The following C2CD3 variants were observed in gnomAD, a reference collection of about 807,000 sequenced individuals.
The protein encoded by C2CD3 is C2 domain-containing protein 3.
In C2CD3, 148 loss-of-function variants were observed where a neutral mutation model predicts 234.0. That is an observed-to-expected ratio of 0.63 (90% CI 0.55 to 0.72). The LOEUF is 0.72. Ranked by LOEUF, C2CD3 falls within the 30% of genes least tolerant of loss-of-function variation. The probability of loss-of-function intolerance (pLI) is 0.00; values close to 1 mark genes in which losing one functional copy is unlikely to be tolerated. For synonymous variants in C2CD3, 1,000 were observed against 1,035.4 expected (o/e 0.97, Z 0.66); for missense variants, 2,577 against 2,811.5 (o/e 0.92, Z 1.89).
chr11:74,026,079 C>T (rs1020317474), intron 32 of C2CD3, among the ~76,000 whole-genome samples: 4 of 152,108 alleles, frequency 2.6e-5, no homozygotes, highest in Non-Finnish European at 5.9e-5. Flanking sequence ...TCCTCCCCTA[C>T]GAGAGGATTT....
chr11:74,143,683 G>A (rs963122446), intron 3 of C2CD3, among the ~76,000 whole-genome samples: 3 of 151,420 alleles, frequency 2.0e-5, no homozygotes, highest in African/African-American at 7.3e-5. Flanking sequence ...ACCATGCCTG[G>A]CTCAATTTAC....
rs573647540 is a variant in C2CD3 at position 74,106,489 on chromosome 11, T to C, written c.1967A>G (p.Glu656Gly). ...AGAAAGTGACACAGATCCAATGACT[T>C]CTGGCTGAGAAAGAAGGAAAGAGAA... ...YVKKTPQKKP[E>G]VIGSVSLSLR... is the part of the protein sequence containing the mutation. Residue 656 changes from glutamate to glycine, a missense_variant, in exon 13 of 33, where the codon GAA (glutamate) becomes GGA (glycine). Transcript: ENST00000334126. The C allele has an allele frequency of 2.5e-5, 40 of 1,613,356 alleles. No homozygotes were observed. In the South Asian group the frequency reaches 4.0e-4, roughly 16 times the overall value.
chr11:74,039,204 G>T (rs559108594), intron 29 of C2CD3, among the ~76,000 whole-genome samples: 1 of 152,348 alleles, frequency 6.6e-6, no homozygotes, highest in African/African-American at 2.4e-5. Flanking sequence ...TGTTAGACCA[G>T]TGTAGAACCA....
At chr11:74,108,956 T>G in intron 12 of C2CD3, 78 bp downstream of exon 12, 1 of 723,000 alleles carries the variant, frequency 1.4e-6, no homozygotes, top group South Asian at 1.6e-5. Context: ...ATTCCTAGTT[T>G]AGGTAAGAAT....
At chr11:74,122,149 G>A (rs1957238805) in intron 8 of C2CD3, among the ~76,000 whole-genome samples, 1 of 152,138 alleles carries the variant, frequency 6.6e-6, no homozygotes, top group Non-Finnish European at 1.5e-5. Flanking sequence ...CTAGTCAATT[G>A]GGTCCCTTGT....
At position 74,090,831 on chromosome 11, in the gene C2CD3, C is replaced by T. The variant is rs1565281126; in HGVS notation, c.3623G>A (p.Gly1208Asp). Reference sequence around the variant, plus strand: ...GACTTACTTGGCTGCTGCTTGCAGACCACAGGCTCTGATAATCTGGACTGA... The same window carrying T: ...GACTTACTTGGCTGCTGCTTGCAGATCACAGGCTCTGATAATCTGGACTGA... ...SISVQIIRAC[G>D]LQAAAKALAE... The change falls in exon 20 of 33, where the codon GGT (glycine) becomes GAT (aspartate). Residue 1208 changes from glycine (G) to aspartate (D), a missense_variant. Physicochemically the swap from Gly to Asp is moderately conservative, Grantham distance 94. Transcript: ENST00000334126. The T allele has an allele frequency of 6.2e-7, 1 of 1,614,090 alleles. No individual in the cohort carries two copies. Among genetic ancestry groups the T allele is most frequent in the Admixed American group, 1.7e-5 (1 of 60,024 alleles).
chr11:74,047,781 AGGATG>A, intron 28 of C2CD3, among the ~76,000 whole-genome samples: 1 of 152,250 alleles, frequency 6.6e-6, no homozygotes, highest in Non-Finnish European at 1.5e-5. Context: ...GTCCTTGTAT[AGGATG>A]GAACATGCTC....
chr11:74,070,225 T>A (rs574444967), intron 24 of C2CD3, among the ~76,000 whole-genome samples: 39 of 152,348 alleles, frequency 2.6e-4, no homozygotes, highest in African/African-American at 8.9e-4. Context: ...CAGAGCTTTT[T>A]CTAACATAAG....
At position 74,098,145 on chromosome 11, in the gene C2CD3, C is replaced by T. The variant is rs768909968; in HGVS notation, c.2843G>A (p.Arg948Gln). The change falls in exon 16 of 33, where the codon CGA becomes CAA. Residue 948 changes from arginine to glutamine, a missense_variant. Arg to Gln is a conservative substitution (Grantham distance 43). Transcript: ENST00000334126. The part of the protein sequence containing the change: ...VFSGHQNGSL[R>Q]VFLAMGSSNQ... ...TGAAGAACCCATAGCTAAAAAGACT[C>T]GAAGACTCCCATTTTGGTGGCCTGA... 2.0e-5 allele frequency: 32 copies of T among 1,614,060 alleles called. No individual in the cohort carries two copies. The South Asian group carries it at 2.3e-4, about 12-fold the overall frequency.
intron 9 of C2CD3, among the ~76,000 whole-genome samples, chr11:74,117,075 A>AAT (rs766123599): frequency 0.16 from 3,706 of 22,904 alleles, 287 homozygotes; most frequent in African/African-American, 0.18. Flanking sequence ...TATATATATG[A>AAT]ATATATATAT....
chr11:74,071,462 T>A (rs754724146), intron 24 of C2CD3, among the ~76,000 whole-genome samples: 1 of 152,222 alleles, frequency 6.6e-6, no homozygotes, highest in African/African-American at 2.4e-5. Context: ...CTGCCCATTG[T>A]CTCTTTGAGT....
intron 11 of C2CD3, 28 bp downstream of exon 11, chr11:74,113,752 A>C (rs1175753843): frequency 4.8e-6 from 6 of 1,238,992 alleles, no homozygotes; most frequent in Non-Finnish European, 6.0e-6. Context: ...AGAATGTCTA[A>C]GGTGCAGAAA....
intron 25 of C2CD3, among the ~76,000 whole-genome samples, chr11:74,056,349 C>T (rs1317552889): frequency 1.3e-5 from 2 of 152,212 alleles, no homozygotes; most frequent in Non-Finnish European, 2.9e-5. Context: ...GCTTCCTATG[C>T]CAGCCCCCTC....
At chr11:74,035,525 A>C (rs1164611836) in intron 30 of C2CD3, among the ~76,000 whole-genome samples, 1 of 152,232 alleles carries the variant, frequency 6.6e-6, no homozygotes, top group Non-Finnish European at 1.5e-5. Flanking sequence ...TTCTCAGGGC[A>C]TGAACCATAT....
Position 74,042,060 on chromosome 11 carries a change from G to C in C2CD3, c.5654C>G (p.Ser1885Cys). Residue 1885 changes from serine (S) to cysteine (C), a missense_variant, in exon 29 of 33, where the codon TCT (serine) becomes TGT (cysteine). Physicochemically the swap from Ser to Cys is moderately radical, Grantham distance 112 (BLOSUM62 -1). Transcript: ENST00000334126. The stretch of plus-strand genomic sequence containing the variant: ...TTTCTCAGTAGAGCCTCACCTGAGA[G>C]AAGTCAGAATGGAGGTTTGGGAGGA... The part of the protein sequence containing the change: ...PLSSQTSILT[S>C]LRKNLSELDQ... 1 of 1,614,006 alleles carries C rather than the reference G, an allele frequency of 6.2e-7. No individual in the cohort carries two copies. The highest frequency in any genetic ancestry group is 1.7e-4 in the Middle Eastern group (1 of 6,052).
intron 5 of C2CD3, among the ~76,000 whole-genome samples, chr11:74,136,747 T>G (rs1047941859): frequency 6.6e-6 from 1 of 151,842 alleles, no homozygotes; most frequent in African/African-American, 2.4e-5. Context: ...ACACATCTCC[T>G]CTCCAGAACA....
chr11:74,147,015 C>A (rs976659899), intron 3 of C2CD3, among the ~76,000 whole-genome samples: 1 of 151,782 alleles, frequency 6.6e-6, no homozygotes, highest in Non-Finnish European at 1.5e-5. Flanking sequence ...CGTGCCACTG[C>A]GCTCCAGCCT....
intron 7 of C2CD3, among the ~76,000 whole-genome samples, chr11:74,124,891 T>C (rs1033677057): frequency 1.3e-5 from 2 of 152,220 alleles, no homozygotes; most frequent in Non-Finnish European, 2.9e-5. Flanking sequence ...TTTTTGAAAT[T>C]AATATTTATT....
chr11:74,026,067 TCTC>T (rs1048850755), intron 32 of C2CD3, among the ~76,000 whole-genome samples: 5 of 151,944 alleles, frequency 3.3e-5, no homozygotes, highest in Non-Finnish European at 5.9e-5. Context: ...GACTGACACT[TCTC>T]CTCCCCTACG....
Sources: gnomAD v4.1 joint callset for allele counts (sites outside exome capture counted in the v4.1 genomes callset) on GRCh38, gnomAD v4.1.1 for gene constraint, MANE v1.5 for transcripts, NCBI Gene and HGNC (gene_info 2026-07-23, HGNC 2026-07-21) for gene names.